The following APBA1 variants were observed in gnomAD, a reference collection of about 807,000 sequenced individuals.
The protein encoded by APBA1 is amyloid beta precursor protein binding family A member 1.
Under a neutral mutation model 86.6 loss-of-function variants are expected in APBA1, and 55 were observed. That is an observed-to-expected ratio of 0.64 (90% confidence interval 0.51 to 0.80). APBA1 has a LOEUF of 0.80. Among genes scored for constraint, APBA1 ranks in the 30% least tolerant of loss-of-function variants. The pLI is 0.00. For missense variants in APBA1, 1,090 were observed against 1,183.0 expected (o/e 0.92, Z 1.15); for synonymous variants, 511 against 493.9 (o/e 1.03, Z -0.46).
chr9:69,607,324 C>T (rs973060705), intron 1 of APBA1, among the ~76,000 whole-genome samples: 4 of 152,120 alleles, frequency 2.6e-5, no homozygotes, highest in South Asian at 2.1e-4. Flanking sequence ...TTTATCAAAC[C>T]GTCAGATCTT....
chr9:69,513,340 G>GC (rs1836082855), intron 2 of APBA1, among the ~76,000 whole-genome samples: 1 of 152,214 alleles, frequency 6.6e-6, no homozygotes, highest in African/African-American at 2.4e-5. Context: ...GGCTGCAGGG[G>GC]CAATTGGTTA....
chr9:69,650,022 C>A (rs978873940), intron 1 of APBA1, among the ~76,000 whole-genome samples: 3 of 152,190 alleles, frequency 2.0e-5, no homozygotes, highest in Admixed American at 1.3e-4. Flanking sequence ...AGCAGGAATG[C>A]TCTCTCCCAC....
At chr9:69,450,531 C>T (rs1321443009) in intron 9 of APBA1, among the ~76,000 whole-genome samples, 1 of 152,176 alleles carries the variant, frequency 6.6e-6, no homozygotes, top group Non-Finnish European at 1.5e-5. Flanking sequence ...AAGTCCCCTT[C>T]ACAGGTTGGT....
In APBA1 at chr9:69,643,738, A is replaced by G. The variant is rs143895612; in HGVS notation, c.-70+28415T>C. Among the ~76,000 whole-genome samples the G allele has an allele frequency of 4.6e-5, 7 of 152,326 alleles. No homozygotes were observed. The East Asian group carries it at 1.4e-3, about 29-fold the overall frequency. On this transcript the variant is annotated intron_variant, in intron 1 of 12. Coordinates refer to ENST00000265381, the MANE Select transcript of APBA1 (RefSeq NM_001163.4). ...TATGGCTTCAGAGCTGATATCCCAA[A>G]GCCCAGTGCAGGACTAGCTTAGGAG... is the stretch of plus-strand genomic sequence containing the variant.
At chr9:69,641,374 C>T (rs1248419508) in intron 1 of APBA1, among the ~76,000 whole-genome samples, 1 of 152,126 alleles carries the variant, frequency 6.6e-6, no homozygotes, top group South Asian at 2.1e-4. Context: ...AAAATCCCAG[C>T]AGACTTCTCT....
At chr9:69,506,148 C>T (rs2133877617) in intron 2 of APBA1, among the ~76,000 whole-genome samples, 1 of 151,986 alleles carries the variant, frequency 6.6e-6, no homozygotes, top group East Asian at 1.9e-4. Context: ...GCATTTCCAT[C>T]TGAGGTACTG....
chr9:69,490,778 T>A (rs1398219639), intron 2 of APBA1, among the ~76,000 whole-genome samples: 2 of 151,736 alleles, frequency 1.3e-5, no homozygotes, highest in Non-Finnish European at 2.9e-5. Flanking sequence ...AACAACCCCA[T>A]CAAAAAGTGG....
chr9:69,471,177 C>A (rs921104185), intron 4 of APBA1, among the ~76,000 whole-genome samples: 4 of 152,132 alleles, frequency 2.6e-5, no homozygotes, highest in Non-Finnish European at 5.9e-5. Flanking sequence ...TAGAACAGAA[C>A]CTGGCAGAGT....
At chr9:69,466,723 C>T (rs1371729376) in intron 5 of APBA1, among the ~76,000 whole-genome samples, 3 of 152,202 alleles carry the variant, frequency 2.0e-5, no homozygotes, top group Non-Finnish European at 4.4e-5. Flanking sequence ...TCTTTGATTG[C>T]GAGATCAAGG....
intron 9 of APBA1, among the ~76,000 whole-genome samples, chr9:69,451,641 C>T (rs12346368): frequency 0.062 from 9,505 of 152,206 alleles, 992 homozygotes; most frequent in African/African-American, 0.22. Flanking sequence ...GCTTGGATAG[C>T]CTCATCTTCC....
intron 2 of APBA1, among the ~76,000 whole-genome samples, chr9:69,489,732 C>T (rs919753352): frequency 3.3e-5 from 5 of 151,976 alleles, no homozygotes; most frequent in African/African-American, 1.2e-4. Context: ...AAATGCTCAC[C>T]ATCACTGGCC....
At chr9:69,435,587 T>C (rs142387808) in intron 11 of APBA1, among the ~76,000 whole-genome samples, 2,291 of 152,360 alleles carry the variant, frequency 0.015, 36 homozygotes, top group Non-Finnish European at 0.025. Context: ...GCTGCATAAA[T>C]GTCATCTTTT....
At chr9:69,573,026 G>A (rs1359064241) in intron 1 of APBA1, among the ~76,000 whole-genome samples, 3 of 152,134 alleles carry the variant, frequency 2.0e-5, no homozygotes, top group Non-Finnish European at 2.9e-5. Context: ...TGGGTGTGGT[G>A]GTGTGCACCT....
intron 12 of APBA1, 51 bp from the exon 13 acceptor site, chr9:69,431,449 G>A: frequency 1.3e-6 from 2 of 1,523,104 alleles, no homozygotes; most frequent in Non-Finnish European, 1.8e-6. Context: ...GGGGCTGGCT[G>A]CGTGGGCACT....
At chr9:69,636,851 G>GAAA (rs1384516604) in intron 1 of APBA1, among the ~76,000 whole-genome samples, 1 of 121,104 alleles carries the variant, frequency 8.3e-6, no homozygotes, top group African/African-American at 3.1e-5. Flanking sequence ...GAGGGAGGGA[G>GAAA]GGAGGGAGGG....
At chr9:69,584,525 C>T (rs1409656364) in intron 1 of APBA1, among the ~76,000 whole-genome samples, 1 of 152,174 alleles carries the variant, frequency 6.6e-6, no homozygotes, top group Admixed American at 6.5e-5. Context: ...AGGCAAGTTA[C>T]TTAACCTCTC....
At chr9:69,560,035 T>C (rs1204472058) in intron 1 of APBA1, among the ~76,000 whole-genome samples, 3 of 152,104 alleles carry the variant, frequency 2.0e-5, no homozygotes, top group Admixed American at 2.0e-4. Context: ...GGGCAGCCCT[T>C]GAGGAGGTCA....
intron 1 of APBA1, among the ~76,000 whole-genome samples, chr9:69,649,444 C>A (rs1260494811): frequency 2.6e-5 from 4 of 152,046 alleles, no homozygotes; most frequent in Non-Finnish European, 4.4e-5. Flanking sequence ...GAGTCACTTA[C>A]CCCCTAGAGT....
intron 1 of APBA1, among the ~76,000 whole-genome samples, chr9:69,542,463 T>C (rs1273123974): frequency 1.3e-5 from 2 of 152,230 alleles, no homozygotes; most frequent in Non-Finnish European, 2.9e-5. Flanking sequence ...GCTCATTTCT[T>C]TTTAGCACTG....
Sources: gnomAD v4.1 joint callset for allele counts (sites outside exome capture counted in the v4.1 genomes callset) on GRCh38, gnomAD v4.1.1 for gene constraint, MANE v1.5 for transcripts, NCBI Gene and HGNC (gene_info 2026-07-23, HGNC 2026-07-21) for gene names.